SCAP: variants seen among roughly 807,000 people sequenced by gnomAD.
SCAP encodes the protein sterol regulatory element-binding protein cleavage-activating protein.
A neutral mutation model predicts 123.6 loss-of-function variants in SCAP; 65 were observed. That is an observed-to-expected ratio of 0.53 (90% CI 0.43 to 0.65). The LOEUF (loss-of-function observed/expected upper bound fraction) is 0.65. SCAP is among the 30% of genes least tolerant of loss of function. The pLI, the probability that SCAP is intolerant of heterozygous loss-of-function variation, is 0.00. For synonymous variants in SCAP, 740 were observed against 726.3 expected (o/e 1.02, Z -0.30); for missense variants, 1,398 against 1,712.5 (o/e 0.82, Z 3.24).
Position 47,475,898 on chromosome 3 carries a change from C to G in SCAP, c.-198G>C, listed in dbSNP as rs1431160794. On this transcript the variant is annotated 5_prime_UTR_variant, in exon 1 of 23. Transcript: ENST00000265565. The stretch of plus-strand genomic sequence containing the variant: ...GCGTGCGCGCTCTCGGCCCGCAGTC[C>G]GGTGCGTGGCGCCCTCCCTCTCTCT... The G allele has an allele frequency of 6.5e-6, 1 of 154,288 alleles. No individual in the cohort carries two copies. The highest frequency in any genetic ancestry group is 1.4e-5 in the Non-Finnish European group (1 of 69,516). 9.6% of individuals were successfully genotyped at this position (154,288 alleles called of 1,614,324 possible). A position where few individuals can be genotyped will look rare whatever the true frequency, so the allele number is the denominator to read the frequency against.
chr3:47,464,077 A>G (rs1431702423), intron 1 of SCAP, among the ~76,000 whole-genome samples: 1 of 152,092 alleles, frequency 6.6e-6, no homozygotes, highest in African/African-American at 2.4e-5. Flanking sequence ...GTACAGTGGC[A>G]TGATCTCAGC....
chr3:47,433,235 G>A (rs1420758652), intron 3 of SCAP, among the ~76,000 whole-genome samples: 1 of 152,088 alleles, frequency 6.6e-6, no homozygotes, highest in East Asian at 1.9e-4. Context: ...CAGTATCGCT[G>A]GCCTGTATCT....
chr3:47,452,698 C>T (rs1029441105), intron 1 of SCAP, among the ~76,000 whole-genome samples: 1 of 152,200 alleles, frequency 6.6e-6, no homozygotes, highest in Non-Finnish European at 1.5e-5. Flanking sequence ...CAGTGATATG[C>T]TCAAATTTGA....
chr3:47,425,943 G>A, intron 7 of SCAP, 54 bp downstream of exon 7: 2 of 1,597,718 alleles, frequency 1.3e-6, no homozygotes, highest in South Asian at 1.1e-5. Context: ...CAGGTGACAT[G>A]GAAATGCCCG....
intron 1 of SCAP, among the ~76,000 whole-genome samples, chr3:47,457,303 T>C (rs1337201371): frequency 1.3e-5 from 2 of 152,094 alleles, no homozygotes; most frequent in Admixed American, 1.3e-4. Context: ...AAAGCTGAAA[T>C]TAAAAAATAA....
rs749293673 is a variant in SCAP, at chr3:47,417,672, C to G, written c.2602G>C (p.Gly868Arg). 6.2e-7 allele frequency: 1 copy of G among 1,608,294 alleles called. No individual in the cohort carries two copies. The highest frequency in any genetic ancestry group is 8.5e-7 in the Non-Finnish European group (1 of 1,178,542). ...PRGPPPPSLF[G>R]DQPDLTCLID... ...AAGCAGGTGAGGTCAGGCTGGTCCC[C>G]GAAGAGGGAAGGCGGCGGAGGGCCC... Residue 868 changes from glycine (G) to arginine (R), a missense_variant, in exon 17 of 23, where the codon GGG becomes CGG. By Grantham distance (125) the Gly-to-Arg change is moderately radical. Around this residue, in one of 7 missense-constraint regions of SCAP, gnomAD observed 828 missense variants for 882.5 expected, o/e 0.94. Transcript: ENST00000265565.
chr3:47,453,555 T>C (rs1340176556), intron 1 of SCAP, among the ~76,000 whole-genome samples: 1 of 152,154 alleles, frequency 6.6e-6, no homozygotes, highest in Non-Finnish European at 1.5e-5. Flanking sequence ...CAAATAAAAA[T>C]AACTAGTATT....
At chr3:47,460,667 C>T (rs1030877066) in intron 1 of SCAP, among the ~76,000 whole-genome samples, 2 of 152,122 alleles carry the variant, frequency 1.3e-5, no homozygotes, top group Non-Finnish European at 2.9e-5. Flanking sequence ...AAGCGATTCT[C>T]CTGCCTCAGC....
In SCAP at chr3:47,414,967, C is replaced by G; in HGVS notation, c.3166G>C (p.Ala1056Pro). The change falls in exon 20 of 23, where the codon GCC becomes CCC. Residue 1056 changes from alanine (A) to proline (P), a missense_variant. Ala to Pro is a conservative substitution (Grantham distance 27, BLOSUM62 -1). Transcript: ENST00000265565. ...TCGCTGCTGCTGTACACTGGAGAGGCAGGGGAACTGCCCCGCCCTGGGGTC... is the reference window on the plus strand; with the variant it reads ...TCGCTGCTGCTGTACACTGGAGAGGGAGGGGAACTGCCCCGCCCTGGGGTC... ...RGTPGRGSSP[A>P]SPVYSSSDTV... 6.2e-7 allele frequency: 1 copy of G among 1,602,288 alleles called. No individual in the cohort carries two copies. Among genetic ancestry groups the G allele is most frequent in the Non-Finnish European group, 8.5e-7 (1 of 1,174,892 alleles).
chr3:47,434,153 G>A (rs1706475632), intron 3 of SCAP, among the ~76,000 whole-genome samples: 1 of 152,166 alleles, frequency 6.6e-6, no homozygotes, highest in African/African-American at 2.4e-5. Flanking sequence ...TTCATAACAA[G>A]TTACCTGACT....
intron 18 of SCAP, among the ~76,000 whole-genome samples, chr3:47,415,995 G>C (rs1034705899): frequency 6.6e-6 from 1 of 152,216 alleles, no homozygotes; most frequent in Non-Finnish European, 1.5e-5. Flanking sequence ...AAATTGGCCA[G>C]GCTGGAGGGG....
chr3:47,415,699 G>GGCAGGGAT (rs1705541917), intron 18 of SCAP, among the ~76,000 whole-genome samples: 1 of 152,168 alleles, frequency 6.6e-6, no homozygotes, highest in South Asian at 2.1e-4. Flanking sequence ...CAGTCTGACA[G>GGCAGGGAT]GCAGGGATGG....
chr3:47,433,045 G>A (rs1329730977), intron 3 of SCAP, among the ~76,000 whole-genome samples: 1 of 152,202 alleles, frequency 6.6e-6, no homozygotes, highest in Non-Finnish European at 1.5e-5. Context: ...GACCAAAAGT[G>A]AAGCTGACCC....
In SCAP at chr3:47,420,045, G is replaced by GC. The variant is rs1203382492; in HGVS notation, c.1564-342dup. Among the ~76,000 whole-genome samples, 2 of 152,174 alleles carry GC rather than the reference G, an allele frequency of 1.3e-5. No homozygotes were observed. Among genetic ancestry groups the GC allele is most frequent in the Non-Finnish European group, 2.9e-5 (2 of 68,028 alleles). On this transcript the variant is annotated intron_variant, in intron 12 of 22. Coordinates refer to ENST00000265565, the MANE Select transcript of SCAP (RefSeq NM_012235.4). The surrounding 1 kb of genome is among the most constrained non-coding windows in gnomAD (Gnocchi z 5.0). ...CTGCTACCATTCCTACGGTCAGAGG[G>GC]CCAGCAACCTGACCTGCTCCAGAGT... is the stretch of plus-strand genomic sequence containing the variant.
intron 1 of SCAP, among the ~76,000 whole-genome samples, chr3:47,471,942 A>G (rs1559575059): frequency 6.6e-6 from 1 of 150,844 alleles, no homozygotes; most frequent in Non-Finnish European, 1.5e-5. Flanking sequence ...GGAGTTTGAG[A>G]CCAGCCTAAC....
At chr3:47,423,808 T>C in intron 9 of SCAP, 125 bp downstream of exon 9, 2 of 707,562 alleles carry the variant, frequency 2.8e-6, no homozygotes, top group Non-Finnish European at 4.9e-6. Context: ...CTGCATATTA[T>C]GCCGGAGGCA....
intron 1 of SCAP, among the ~76,000 whole-genome samples, chr3:47,460,243 C>T (rs759289295): frequency 2.6e-5 from 4 of 152,052 alleles, no homozygotes; most frequent in African/African-American, 4.8e-5. Flanking sequence ...CCTGAGGTGA[C>T]GTACATCCTC....
chr3:47,417,399 A>T lies in SCAP; in HGVS notation c.2875T>A (p.Ser959Thr). The T allele has an allele frequency of 6.3e-7, 1 of 1,589,142 alleles. No homozygotes were observed. Among genetic ancestry groups the T allele is most frequent in the Non-Finnish European group, 8.6e-7 (1 of 1,169,298 alleles). Residue 959 changes from serine to threonine, a missense_variant, in exon 17 of 23, where the codon TCC (serine) becomes ACC (threonine). Physicochemically the swap from Ser to Thr is moderately conservative, Grantham distance 58 (BLOSUM62 1). Coordinates refer to ENST00000265565, the MANE Select transcript of SCAP (RefSeq NM_012235.4). ...EGGSPEKGSP[S>T]LAWAPSAEGS... ...TCGGCACTGGGGGCCCAGGCGAGGG[A>T]AGGGGAGCCTTTCTCGGGGGAGCCA... is the stretch of plus-strand genomic sequence containing the variant.
rs373115861 is a variant in SCAP, at chr3:47,425,659, G to A, written c.911-48C>T. 81 of 1,597,586 alleles carry A rather than the reference G, an allele frequency of 5.1e-5. 1 individual carries two copies. The highest frequency in any genetic ancestry group is 1.7e-4 in the Middle Eastern group (1 of 6,000). ...CAGGGCGGCCCCTCCCCCAGCCCCC[G>A]GCCCACTGGGGCTCCCGGGAGTAGG... On this transcript the variant is annotated intron_variant, in intron 7 of 22. Transcript: ENST00000265565.
Sources: allele counts gnomAD v4.1 joint callset (sites outside exome capture counted in the v4.1 genomes callset), GRCh38; gene constraint gnomAD v4.1.1; regional missense constraint gnomAD v4.1.1; non-coding constraint Gnocchi (gnomAD v3.1); transcripts MANE v1.5; gene names NCBI Gene and HGNC (gene_info 2026-07-23, HGNC 2026-07-21).